The following CADM2 variants were observed in gnomAD, a reference collection of about 807,000 sequenced individuals.
CADM2 encodes the protein cell adhesion molecule 2, also known as immunoglobulin superfamily member 4D.
A neutral mutation model predicts 49.8 loss-of-function variants in CADM2; 12 were observed. The observed-to-expected ratio is 0.24, with a 90% CI of 0.15 to 0.39. The LOEUF (loss-of-function observed/expected upper bound fraction) is 0.39. Among genes scored for constraint, CADM2 ranks in the 10% least tolerant of loss-of-function variants. The probability of loss-of-function intolerance (pLI) is 1.00; values close to 1 mark genes in which losing one functional copy is unlikely to be tolerated. For missense variants in CADM2, 378 were observed against 492.3 expected (o/e 0.77, Z 2.20); for synonymous variants, 214 against 175.4 (o/e 1.22, Z -1.74).
intron 1 of CADM2, among the ~76,000 whole-genome samples, chr3:85,509,923 TCA>T (rs1253349215): frequency 6.6e-6 from 1 of 152,008 alleles, no homozygotes; most frequent in African/African-American, 2.4e-5. Flanking sequence ...TATTAAAATC[TCA>T]CAGAGTGCCA....
intron 3 of CADM2, among the ~76,000 whole-genome samples, chr3:85,870,886 A>G (rs910469392): frequency 6.6e-6 from 1 of 152,216 alleles, no homozygotes; most frequent in Admixed American, 6.5e-5. Context: ...ATACAAAAAA[A>G]TCAACTCAAG....
At chr3:85,338,871 T>G (rs937332633) in intron 1 of CADM2, among the ~76,000 whole-genome samples, 2 of 151,492 alleles carry the variant, frequency 1.3e-5, no homozygotes, top group African/African-American at 4.8e-5. Context: ...TAGATCACAC[T>G]TTTTTTCTTA....
intron 1 of CADM2, among the ~76,000 whole-genome samples, chr3:85,304,101 T>G (rs2044161575): frequency 6.6e-6 from 1 of 151,844 alleles, no homozygotes; most frequent in Admixed American, 6.6e-5. Flanking sequence ...TTGTAAACTC[T>G]TGACTATTTC....
At chr3:86,060,981 CAATAATAAT>C (rs144216839) in intron 8 of CADM2, among the ~76,000 whole-genome samples, 7 of 147,990 alleles carry the variant, frequency 4.7e-5, no homozygotes, top group South Asian at 2.1e-4. Flanking sequence ...GGCTATGTCT[CAATAATAAT>C]AATAATAATA....
intron 8 of CADM2, among the ~76,000 whole-genome samples, chr3:86,061,093 A>T (rs1350908964): frequency 6.6e-6 from 1 of 152,074 alleles, no homozygotes; most frequent in East Asian, 1.9e-4. Flanking sequence ...AATAACATTA[A>T]TGCAAACATA....
intron 1 of CADM2, among the ~76,000 whole-genome samples, chr3:85,067,273 A>T (rs1002110274): frequency 6.7e-6 from 1 of 150,228 alleles, no homozygotes; most frequent in African/African-American, 2.4e-5. Context: ...TGCACATCTA[A>T]TTAAACTGTG....
intron 1 of CADM2, among the ~76,000 whole-genome samples, chr3:85,184,059 C>T (rs947611716): frequency 4.6e-5 from 7 of 151,922 alleles, no homozygotes; most frequent in African/African-American, 1.7e-4. Context: ...AGCAGGTGAT[C>T]AAGGAGTTAA....
At chr3:85,809,658 C>CCTT (rs2072692277) in intron 3 of CADM2, among the ~76,000 whole-genome samples, 1 of 68,892 alleles carries the variant, frequency 1.5e-5, no homozygotes, top group Non-Finnish European at 2.8e-5. Flanking sequence ...AACATTTTCT[C>CCTT]CCTTCCTTCC....
At chr3:85,286,360 G>A (rs1414001654) in intron 1 of CADM2, among the ~76,000 whole-genome samples, 2 of 152,110 alleles carry the variant, frequency 1.3e-5, no homozygotes, top group Non-Finnish European at 2.9e-5. Context: ...ATTTTATTTT[G>A]TCCAAATCAA....
At chr3:86,053,338 A>T (rs1737548805) in intron 8 of CADM2, among the ~76,000 whole-genome samples, 1 of 152,168 alleles carries the variant, frequency 6.6e-6, no homozygotes, top group Admixed American at 6.6e-5. Context: ...GTCTAAATGC[A>T]TTTTTTGCGT....
chr3:85,566,424 C>A (rs1253002526), intron 1 of CADM2, among the ~76,000 whole-genome samples: 1 of 151,950 alleles, frequency 6.6e-6, no homozygotes, highest in East Asian at 1.9e-4. Context: ...AAACAAGCAA[C>A]CTACATAACA....
chr3:85,680,006 C>A (rs866963378), intron 1 of CADM2, among the ~76,000 whole-genome samples: 17 of 152,014 alleles, frequency 1.1e-4, no homozygotes, highest in Admixed American at 2.0e-4. Context: ...ACCCATAAAA[C>A]ATTAAAAAAT....
chr3:85,515,631 A>ATATATATTTTT (rs1159969286), intron 1 of CADM2, among the ~76,000 whole-genome samples: 8 of 118,406 alleles, frequency 6.8e-5, no homozygotes, highest in Middle Eastern at 4.6e-3. Context: ...ATATATATAT[A>ATATATATTTTT]TTTTTTTTTT....
intron 1 of CADM2, among the ~76,000 whole-genome samples, chr3:85,248,782 T>A (rs2042709854): frequency 6.6e-6 from 1 of 152,138 alleles, no homozygotes; most frequent in African/African-American, 2.4e-5. Context: ...CTACTTACAG[T>A]CTATAACCAA....
intron 1 of CADM2, among the ~76,000 whole-genome samples, chr3:85,216,244 T>C (rs1202906958): frequency 2.7e-5 from 4 of 148,880 alleles, no homozygotes; most frequent in Non-Finnish European, 5.9e-5. Context: ...TTTGGAGCTA[T>C]AGACTATTAA....
chr3:85,162,097 G>A (rs1221066064), intron 1 of CADM2, among the ~76,000 whole-genome samples: 1 of 149,672 alleles, frequency 6.7e-6, no homozygotes, highest in Non-Finnish European at 1.5e-5. Context: ...ATATTGATTG[G>A]GTTCATTATA....
In CADM2 at chr3:85,134,787, A is replaced by T. The variant is rs539383468; in HGVS notation, c.61+175119A>T. 8.9e-4 allele frequency among the ~76,000 whole-genome samples: 136 copies of T among 152,180 alleles called. 1 individual carries two copies. Among genetic ancestry groups the T allele is most frequent in the African/African-American group, 3.2e-3 (132 of 41,552 alleles). On this transcript the variant is annotated intron_variant, in intron 1 of 9. Transcript: ENST00000383699. ...GAGATTTGCTATATATAATTGTGCA[A>T]ATTTTTTAAAAATTTTAATTATTGA...
intron 1 of CADM2, among the ~76,000 whole-genome samples, chr3:85,725,093 A>G (rs2067648615): frequency 6.6e-6 from 1 of 151,910 alleles, no homozygotes; most frequent in African/African-American, 2.4e-5. Context: ...GTGAAATAAA[A>G]GAGTTTGAAT....
chr3:85,271,749 G>C (rs1011933650), intron 1 of CADM2, among the ~76,000 whole-genome samples: 4 of 150,090 alleles, frequency 2.7e-5, no homozygotes, highest in African/African-American at 9.8e-5. Context: ...ATTGGCATAG[G>C]GTTTTCAGAA....
Sources: gnomAD v4.1 joint callset for allele counts (sites outside exome capture counted in the v4.1 genomes callset) on GRCh38, gnomAD v4.1.1 for gene constraint, MANE v1.5 for transcripts, NCBI Gene and HGNC (gene_info 2026-07-23, HGNC 2026-07-21) for gene names.